SLC25A36: variants seen among roughly 807,000 people sequenced by gnomAD.
SLC25A36 encodes solute carrier family 25 member 36.
A neutral mutation model predicts 35.3 loss-of-function variants in SLC25A36; 24 were observed. The observed-to-expected ratio is 0.68, with a 90% CI of 0.49 to 0.96. The LOEUF (loss-of-function observed/expected upper bound fraction) is 0.96. Ranked by LOEUF, SLC25A36 falls within the 40% of genes least tolerant of loss-of-function variation. The pLI, the probability that SLC25A36 is intolerant of heterozygous loss-of-function variation, is 0.00. For synonymous variants in SLC25A36, 141 were observed against 132.2 expected (o/e 1.07, Z -0.46); for missense variants, 294 against 381.1 (o/e 0.77, Z 1.90).
chr3:140,942,171 G>T, intron 1 of SLC25A36, 76 bp downstream of exon 1: 1 of 181,546 alleles, frequency 5.5e-6, no homozygotes, highest in East Asian at 1.2e-4. Context: ...GGGCGAGGGG[G>T]GCCGAGGGGG....
intron 4 of SLC25A36, chr3:140,968,591 T>C (rs1934822197): frequency 1.1e-6 from 1 of 929,602 alleles, no homozygotes; most frequent in African/African-American, 1.8e-5. Context: ...AAAATTATAA[T>C]TTATGGGTCT....
chr3:140,971,036 A>G (rs1934886134), intron 5 of SLC25A36, 43 bp downstream of exon 5: 1 of 835,992 alleles, frequency 1.2e-6, no homozygotes, highest in Non-Finnish European at 2.0e-6. Context: ...AGTGGATTTA[A>G]CTAATTTTTT....
intron 5 of SLC25A36, among the ~76,000 whole-genome samples, chr3:140,971,518 TACG>T (rs1305549064): frequency 2.6e-5 from 4 of 152,208 alleles, no homozygotes; most frequent in Non-Finnish European, 5.9e-5. Context: ...CAGATACTGC[TACG>T]TCTTAGAGAT....
chr3:140,959,289 A>G (rs1217838239), intron 2 of SLC25A36, among the ~76,000 whole-genome samples, 174 bp from the exon 3 acceptor site: 2 of 152,112 alleles, frequency 1.3e-5, no homozygotes, highest in Admixed American at 6.5e-5. Context: ...TGCTGAAATT[A>G]CAGGCATGAG....
At chr3:140,961,664 G>C (rs1256270046) in intron 3 of SLC25A36, among the ~76,000 whole-genome samples, 1 of 151,670 alleles carries the variant, frequency 6.6e-6, no homozygotes. Flanking sequence ...GACCATCCTG[G>C]CTAACACAGT....
intron 1 of SLC25A36, among the ~76,000 whole-genome samples, chr3:140,949,052 A>G (rs1156271086): frequency 1.3e-5 from 2 of 152,230 alleles, no homozygotes; most frequent in Admixed American, 1.3e-4. Context: ...TCTTTCTTAC[A>G]AAACTTGTTT....
intron 4 of SLC25A36, chr3:140,966,925 C>G (rs1295182120): frequency 2.2e-6 from 1 of 456,170 alleles, no homozygotes; most frequent in South Asian, 1.5e-5. Context: ...AAGCCTGTGT[C>G]TATTTTAGGC....
chr3:140,945,191 A>G (rs1351816520), intron 1 of SLC25A36, among the ~76,000 whole-genome samples: 3 of 152,200 alleles, frequency 2.0e-5, no homozygotes, highest in African/African-American at 7.2e-5. Context: ...AGGAGAGGCT[A>G]GCCAAGATCT....
At chr3:140,952,480 G>A (rs1425873742) in intron 1 of SLC25A36, among the ~76,000 whole-genome samples, 1 of 152,130 alleles carries the variant, frequency 6.6e-6, no homozygotes, top group Admixed American at 6.6e-5. Flanking sequence ...TTGCTGAAGT[G>A]TTTTTTAAAT....
At chr3:140,943,201 A>T (rs924455365) in intron 1 of SLC25A36, among the ~76,000 whole-genome samples, 4 of 152,256 alleles carry the variant, frequency 2.6e-5, no homozygotes, top group African/African-American at 9.6e-5. Flanking sequence ...TGAGACTCTT[A>T]CCGGCATCTT....
chr3:140,953,370 C>T (rs974728282), intron 1 of SLC25A36, among the ~76,000 whole-genome samples: 3 of 145,878 alleles, frequency 2.1e-5, no homozygotes, highest in East Asian at 2.0e-4. Context: ...GAAATCTGAC[C>T]GTATAATTGT....
intron 4 of SLC25A36, chr3:140,968,676 T>C (rs1254588208): frequency 2.0e-6 from 2 of 983,356 alleles, no homozygotes; most frequent in Non-Finnish European, 2.4e-6. Context: ...TATGGGTTTT[T>C]TTCCAGCCTC....
At position 140,968,395 on chromosome 3, in the gene SLC25A36, C is replaced by T. The variant is rs4683538; in HGVS notation, c.386-2532C>T. 495 of 934,198 alleles carry T rather than the reference C, an allele frequency of 5.3e-4. 9 individuals carry two copies. In the Admixed American group the frequency reaches 0.026, roughly 50 times the overall value. 57.9% of individuals were successfully genotyped at this position (934,198 alleles called of 1,614,324 possible). A position where few individuals can be genotyped will look rare whatever the true frequency, so the allele number is the denominator to read the frequency against. On this transcript the variant is annotated intron_variant, in intron 4 of 6. Transcript: ENST00000324194. ...CATTGGGAGAGTTGAGCCAGAGCAA[C>T]CATAGTAAACATAGCTTACTGATAA...
chr3:140,976,921 C>A lies in SLC25A36; in HGVS notation c.*468C>A, dbSNP rs980823925. ...TTATTTTCACATTTCCCTGAGAGGA[C>A]CTGGCACAATATTTTAAATTTAATT... On this transcript the variant is annotated 3_prime_UTR_variant, in exon 7 of 7. Coordinates refer to ENST00000324194, the MANE Select transcript of SLC25A36 (RefSeq NM_001104647.3). The A allele has an allele frequency of 6.6e-6, 1 of 152,246 alleles. No homozygotes were observed. The highest frequency in any genetic ancestry group is 1.5e-5 in the Non-Finnish European group (1 of 68,108). 9.4% of individuals were successfully genotyped at this position (152,246 alleles called of 1,614,324 possible).
At chr3:140,945,766 C>G (rs1934147659) in intron 1 of SLC25A36, among the ~76,000 whole-genome samples, 1 of 146,964 alleles carries the variant, frequency 6.8e-6, no homozygotes, top group African/African-American at 2.5e-5. Flanking sequence ...GCCAGTTTAA[C>G]CTAAGAATGC....
chr3:140,957,602 G>A (rs1339269432), intron 2 of SLC25A36, among the ~76,000 whole-genome samples: 1 of 152,094 alleles, frequency 6.6e-6, no homozygotes, highest in Non-Finnish European at 1.5e-5. Context: ...TTAGCCAGGT[G>A]TGGTGGTGCG....
intron 5 of SLC25A36, among the ~76,000 whole-genome samples, chr3:140,971,624 C>T (rs1306613950): frequency 6.6e-6 from 1 of 152,150 alleles, no homozygotes; most frequent in Non-Finnish European, 1.5e-5. Context: ...TCGGTGCAAA[C>T]CTCAGAGGTT....
chr3:140,952,019 C>CT (rs200986661), intron 1 of SLC25A36, among the ~76,000 whole-genome samples: 15,244 of 137,402 alleles, frequency 0.11, 1,198 homozygotes, highest in African/African-American at 0.22. Flanking sequence ...TTCTTTCTCT[C>CT]TTTTTTTTTT....
intron 4 of SLC25A36, 197 bp downstream of exon 4, chr3:140,963,424 A>C: frequency 8.5e-6 from 4 of 469,034 alleles, no homozygotes; most frequent in Non-Finnish European, 1.1e-5. Context: ...TCAGGAGTTT[A>C]CATGCTAGGG....
Sources: gnomAD v4.1 joint callset for allele counts (sites outside exome capture counted in the v4.1 genomes callset) on GRCh38, gnomAD v4.1.1 for gene constraint, MANE v1.5 for transcripts, NCBI Gene and HGNC (gene_info 2026-07-23, HGNC 2026-07-21) for gene names.